Variants in NOL4 observed in about 807,000 individuals in gnomAD.
The protein encoded by NOL4 is cancer/testis antigen 125.
NOL4 carries 17 observed loss-of-function variants against 75.9 expected under a neutral mutation model. The ratio of observed to expected loss-of-function variants is 0.22; its 90% CI spans 0.15 to 0.34. The LOEUF (loss-of-function observed/expected upper bound fraction) is 0.34, where lower values mean the gene tolerates loss of function less well. Among genes scored for constraint, NOL4 ranks in the 10% least tolerant of loss-of-function variants. The pLI is 1.00. For missense variants in NOL4, 614 were observed against 793.5 expected, an observed-to-expected ratio of 0.77 and a Z score of 2.72; for synonymous variants, 292 against 289.9, an observed-to-expected ratio of 1.01 and a Z score of -0.07.
chr18:34,184,882 A>G (rs749090175), intron 1 of NOL4, among the ~76,000 whole-genome samples: 1 of 152,144 alleles, frequency 6.6e-6, no homozygotes, highest in Non-Finnish European at 1.5e-5. Flanking sequence ...AAGAAGACAT[A>G]CAAGTAACTA....
At chr18:34,061,060 C>T (rs1490169260) in intron 5 of NOL4, among the ~76,000 whole-genome samples, 2 of 151,802 alleles carry the variant, frequency 1.3e-5, no homozygotes, top group Non-Finnish European at 2.9e-5. Context: ...GCTGACACGC[C>T]CTAAGAGTGT....
At chr18:33,860,646 C>T (rs900716938) in intron 10 of NOL4, among the ~76,000 whole-genome samples, 20 of 146,994 alleles carry the variant, frequency 1.4e-4, no homozygotes, top group East Asian at 9.9e-4. Context: ...GCCTAATTGC[C>T]CTGGCCAGAA....
At chr18:34,175,256 C>G (rs1404710061) in intron 1 of NOL4, among the ~76,000 whole-genome samples, 1 of 152,056 alleles carries the variant, frequency 6.6e-6, no homozygotes, top group Admixed American at 6.6e-5. Context: ...ATGGAAGACC[C>G]CACTTAACAG....
intron 1 of NOL4, among the ~76,000 whole-genome samples, chr18:34,197,445 CTA>C (rs2035413239): frequency 6.6e-6 from 1 of 151,938 alleles, no homozygotes. Flanking sequence ...AAGAACAAAG[CTA>C]TATGTTTTAT....
At chr18:34,057,232 C>T (rs2076868601) in intron 5 of NOL4, among the ~76,000 whole-genome samples, 1 of 152,178 alleles carries the variant, frequency 6.6e-6, no homozygotes, top group Non-Finnish European at 1.5e-5. Context: ...CTCCCCACCA[C>T]CATGTACTTA....
intron 2 of NOL4, among the ~76,000 whole-genome samples, chr18:34,123,120 CTTT>C (rs368997906): frequency 1.4e-5 from 2 of 138,674 alleles, no homozygotes; most frequent in Non-Finnish European, 1.6e-5. Flanking sequence ...GCTCTTACGT[CTTT>C]TTTTTTTTTT....
chr18:33,969,473 C>A (rs1227139840), intron 6 of NOL4, among the ~76,000 whole-genome samples: 1 of 151,958 alleles, frequency 6.6e-6, no homozygotes, highest in Non-Finnish European at 1.5e-5. Flanking sequence ...AATTAGGAGT[C>A]TGTAATTTCT....
intron 2 of NOL4, among the ~76,000 whole-genome samples, chr18:34,118,247 AAAG>A (rs1471449156): frequency 6.6e-6 from 1 of 152,208 alleles, no homozygotes; most frequent in Non-Finnish European, 1.5e-5. Flanking sequence ...TATGTACCTA[AAAG>A]AATTTGCCCT....
At position 33,881,389 on chromosome 18, in the gene NOL4, C is replaced by G. The variant is rs554096636; in HGVS notation, c.1723+1855G>C. On this transcript the variant is annotated intron_variant, in intron 10 of 10. Transcript: ENST00000261592. ...TCCTGCCTAATTGCCCTGGCCAGAA[C>G]TTCCAACACTATGTTGAATAGGAGT... is the stretch of plus-strand genomic sequence containing the variant. Among the ~76,000 whole-genome samples, 11 of 149,776 alleles carry G rather than the reference C, an allele frequency of 7.3e-5. No individual in the cohort carries two copies. The East Asian group carries it at 2.2e-3, about 29-fold the overall frequency.
intron 5 of NOL4, among the ~76,000 whole-genome samples, chr18:34,063,637 G>A (rs1027057624): frequency 6.6e-6 from 1 of 152,026 alleles, no homozygotes; most frequent in African/African-American, 2.4e-5. Context: ...TATCTGTTAA[G>A]TGAACATAAC....
intron 1 of NOL4, among the ~76,000 whole-genome samples, chr18:34,134,171 A>G (rs980475909): frequency 2.0e-5 from 3 of 152,112 alleles, no homozygotes; most frequent in Non-Finnish European, 4.4e-5. Flanking sequence ...CTTATCAGCC[A>G]TAGAACAAAA....
chr18:33,891,057 A>G (rs997012497), intron 9 of NOL4, among the ~76,000 whole-genome samples: 6 of 151,288 alleles, frequency 4.0e-5, no homozygotes, highest in African/African-American at 7.3e-5. Flanking sequence ...TTTATATAAT[A>G]TAATATATAT....
rs769452827 is a variant in NOL4 at position 33,945,943 on chromosome 18, C to T, written c.1429-2765G>A. On this transcript the variant is annotated intron_variant, in intron 8 of 10. Transcript: ENST00000261592. ...TGAACTAGATCCAGAACTCAGGTTT[C>T]GTGTCTCCCAATTTTCAACTCTCAC... Among the ~76,000 whole-genome samples the T allele has an allele frequency of 2.6e-4, 39 of 151,642 alleles. 1 individual carries two copies. The highest frequency in any genetic ancestry group is 2.6e-3 in the Admixed American group (39 of 15,170).
chr18:34,114,242 T>A (rs948405516), intron 2 of NOL4, among the ~76,000 whole-genome samples: 1 of 152,220 alleles, frequency 6.6e-6, no homozygotes, highest in Admixed American at 6.5e-5. Flanking sequence ...GGTGAGAACA[T>A]GTTTCACTTG....
intron 6 of NOL4, among the ~76,000 whole-genome samples, chr18:33,995,101 T>C (rs1331733037): frequency 6.6e-6 from 1 of 151,628 alleles, no homozygotes; most frequent in Admixed American, 6.6e-5. Context: ...CATATAAGTG[T>C]AGGCACTGAG....
At chr18:33,940,603 T>C (rs1419407362) in intron 9 of NOL4, among the ~76,000 whole-genome samples, 6 of 151,758 alleles carry the variant, frequency 4.0e-5, no homozygotes, top group Admixed American at 3.9e-4. Context: ...ATGTAGATGA[T>C]GGGTTGATGG....
chr18:33,968,667 T>C (rs887132877), intron 6 of NOL4, among the ~76,000 whole-genome samples: 4 of 152,138 alleles, frequency 2.6e-5, no homozygotes, highest in African/African-American at 9.7e-5. Flanking sequence ...AAAAACTACC[T>C]ATTGGGTACT....
At chr18:34,191,873 A>G (rs1287172593) in intron 1 of NOL4, among the ~76,000 whole-genome samples, 1 of 152,092 alleles carries the variant, frequency 6.6e-6, no homozygotes, top group Non-Finnish European at 1.5e-5. Flanking sequence ...ATATCTGTAT[A>G]TTTGTCTAAT....
intron 1 of NOL4, among the ~76,000 whole-genome samples, chr18:34,136,764 A>G (rs530296753): frequency 2.0e-5 from 3 of 152,218 alleles, no homozygotes; most frequent in Admixed American, 2.0e-4. Flanking sequence ...AGGATCATTG[A>G]AATCACTACC....
Sources: gnomAD v4.1 joint callset for allele counts (sites outside exome capture counted in the v4.1 genomes callset) on GRCh38, gnomAD v4.1.1 for gene constraint, MANE v1.5 for transcripts, NCBI Gene and HGNC (gene_info 2026-07-23, HGNC 2026-07-21) for gene names.